The following HERC2 variants were observed in gnomAD, a reference collection of about 807,000 sequenced individuals.
HERC2 encodes the protein E3 ubiquitin-protein ligase HERC2.
HERC2 carries 102 observed loss-of-function variants against 537.7 expected under a neutral mutation model. The ratio of observed to expected loss-of-function variants is 0.19; its 90% CI spans 0.16 to 0.22. The LOEUF is 0.22. Ranked by LOEUF, HERC2 falls within the 10% of genes least tolerant of loss-of-function variation. The probability of loss-of-function intolerance (pLI) is 1.00; values close to 1 mark genes in which losing one functional copy is unlikely to be tolerated. For missense variants in HERC2, 4,236 were observed against 6,198.2 expected, an observed-to-expected ratio of 0.68 and a Z score of 10.63; for synonymous variants, 2,224 against 2,466.2, an observed-to-expected ratio of 0.90 and a Z score of 2.91.
chr15:28,140,431 A>G (rs1388155782), intron 78 of HERC2, among the ~76,000 whole-genome samples: 1 of 152,214 alleles, frequency 6.6e-6, no homozygotes, highest in African/African-American at 2.4e-5. Context: ...GATACAAGAA[A>G]TCTTCACATA....
chr15:28,314,157 A>G (rs1257135140), intron 2 of HERC2, among the ~76,000 whole-genome samples: 1 of 152,242 alleles, frequency 6.6e-6, no homozygotes, highest in Non-Finnish European at 1.5e-5. Flanking sequence ...TTGCATATAC[A>G]ATATCTGAAA....
At chr15:28,226,795 T>C (rs1489207238) in intron 35 of HERC2, among the ~76,000 whole-genome samples, 1 of 152,138 alleles carries the variant, frequency 6.6e-6, no homozygotes, top group African/African-American at 2.4e-5. Context: ...GGAAATACAA[T>C]CCAGAGAACA....
chr15:28,314,024 G>A (rs1346422191), intron 2 of HERC2, among the ~76,000 whole-genome samples: 1 of 152,184 alleles, frequency 6.6e-6, no homozygotes, highest in Non-Finnish European at 1.5e-5. Flanking sequence ...AGCCTTTACG[G>A]AAAACCAGCC....
At chr15:28,173,215 C>G (rs1235680187) in intron 65 of HERC2, among the ~76,000 whole-genome samples, 2 of 152,170 alleles carry the variant, frequency 1.3e-5, no homozygotes, top group Admixed American at 1.3e-4. Flanking sequence ...CACTCCTCTC[C>G]TAGGAGTTTA....
At position 28,177,782 on chromosome 15, in the gene HERC2, T is replaced by TA. The variant is rs1391787139; in HGVS notation, c.9164-274dup. 6.6e-6 allele frequency among the ~76,000 whole-genome samples: 1 copy of TA among 152,214 alleles called. No individual in the cohort carries two copies. Among genetic ancestry groups the TA allele is most frequent in the Non-Finnish European group, 1.5e-5 (1 of 68,042 alleles). On this transcript the variant is annotated intron_variant, in intron 59 of 92. Transcript: ENST00000261609. The surrounding 1 kb of genome is among the most constrained non-coding windows in gnomAD (Gnocchi z 5.0). Reference sequence around the variant, plus strand: ...TACTGATTATTAATGGGGTTCCTATTATGTTAAATACACGAAAAATCAAAA... The same window carrying TA: ...TACTGATTATTAATGGGGTTCCTATTAATGTTAAATACACGAAAAATCAAAA...
chr15:28,249,234 CT>C (rs1904025062), intron 20 of HERC2, among the ~76,000 whole-genome samples: 1 of 152,222 alleles, frequency 6.6e-6, no homozygotes, highest in Admixed American at 6.5e-5. Context: ...CCACATCTGC[CT>C]TGCAAGTCCA....
At chr15:28,121,322 T>G in intron 86 of HERC2, 24 bp downstream of exon 86, 1 of 1,606,442 alleles carries the variant, frequency 6.2e-7, no homozygotes, top group Non-Finnish European at 8.5e-7. Flanking sequence ...CTGTCAGACT[T>G]GGAGAGTAAT....
rs527341879 is a variant in HERC2 at position 28,173,967 on chromosome 15, A to G, written c.10057+428T>C. Among the ~76,000 whole-genome samples the G allele has an allele frequency of 6.4e-3, 972 of 151,918 alleles. 8 individuals carry two copies. The highest frequency in any genetic ancestry group is 0.02 in the African/African-American group (841 of 41,304). ...CGCTGGGGTAGTGTATGAGTTCATT[A>G]TCTTTGATTGTGCTGATGCTTTCAT... On this transcript the variant is annotated intron_variant, in intron 65 of 92. Coordinates refer to ENST00000261609, the MANE Select transcript of HERC2 (RefSeq NM_004667.6).
chr15:28,224,248 C>CGCCCAGGCTGGA (rs925792117), intron 35 of HERC2, among the ~76,000 whole-genome samples: 2 of 151,572 alleles, frequency 1.3e-5, no homozygotes, highest in African/African-American at 2.4e-5. Context: ...TTCACTTTGT[C>CGCCCAGGCTGGA]GCCCAGGCTG....
At position 28,293,164 on chromosome 15, in the gene HERC2, A is replaced by T. The variant is rs376434068; in HGVS notation, c.188-142T>A. 15 of 716,048 alleles carry T rather than the reference A, an allele frequency of 2.1e-5. No individual in the cohort carries two copies. The Admixed American group carries it at 3.6e-4, about 17-fold the overall frequency. 44.4% of individuals were successfully genotyped at this position (716,048 alleles called of 1,614,324 possible). On this transcript the variant is annotated intron_variant, in intron 3 of 92. Transcript: ENST00000261609. ...AACGTAAAAATAAAATACATCAATC[A>T]TACCTGTAACAGACCCAGTATAATT...
intron 20 of HERC2, 50 bp downstream of exon 20, chr15:28,254,288 CAA>C: frequency 7.5e-7 from 1 of 1,333,558 alleles, no homozygotes. Context: ...GTCACACACA[CAA>C]AAAAAAGTAA....
intron 55 of HERC2, among the ~76,000 whole-genome samples, chr15:28,188,814 C>G (rs778652158): frequency 6.6e-6 from 1 of 152,066 alleles, no homozygotes; most frequent in Non-Finnish European, 1.5e-5. Context: ...CGGCTGGGTG[C>G]GGTGCCTCAT....
intron 35 of HERC2, among the ~76,000 whole-genome samples, chr15:28,227,456 C>CA (rs1233124884): frequency 9.3e-4 from 91 of 97,518 alleles, no homozygotes; most frequent in South Asian, 1.4e-3. Context: ...GGCCTTCATC[C>CA]AAAAAAAAAA....
chr15:28,225,490 G>A (rs1361048061), intron 35 of HERC2, among the ~76,000 whole-genome samples: 1 of 152,002 alleles, frequency 6.6e-6, no homozygotes, highest in Non-Finnish European at 1.5e-5. Flanking sequence ...GAGGTCAAGA[G>A]ATCGAGACCA....
intron 35 of HERC2, among the ~76,000 whole-genome samples, chr15:28,224,683 A>AC (rs1453784751): frequency 6.6e-6 from 1 of 152,192 alleles, no homozygotes; most frequent in African/African-American, 2.4e-5. Context: ...AGAACATCTC[A>AC]CCAAAAAGAG....
At chr15:28,210,625 C>A (rs548818499) in intron 44 of HERC2, among the ~76,000 whole-genome samples, 1 of 151,796 alleles carries the variant, frequency 6.6e-6, no homozygotes, top group Non-Finnish European at 1.5e-5. Flanking sequence ...TGCGGCTTTA[C>A]GCGCATTTGA....
At position 28,125,274 on chromosome 15, in the gene HERC2, C is replaced by T. The variant is rs560618229; in HGVS notation, c.12803-81G>A. ...GCTGCCAGTGTCTTCCCACCACACA[C>T]AGCACCAACGCTCCCTGCCCTTCAG... On this transcript the variant is annotated intron_variant, in intron 83 of 92. Coordinates refer to ENST00000261609, the MANE Select transcript of HERC2 (RefSeq NM_004667.6). 5 of 1,137,454 alleles carry T rather than the reference C, an allele frequency of 4.4e-6. No individual in the cohort carries two copies. In the East Asian group the frequency reaches 7.1e-5, roughly 16 times the overall value. The allele number at this position is 1,137,454 out of a possible 1,614,324, so 70.5% of individuals were successfully genotyped here.
At chr15:28,242,308 C>G (rs1903209665) in intron 23 of HERC2, among the ~76,000 whole-genome samples, 1 of 152,178 alleles carries the variant, frequency 6.6e-6, no homozygotes, top group Non-Finnish European at 1.5e-5. Context: ...CAATCTTATA[C>G]ACACCCTTCC....
rs755418556 is a variant in HERC2 at position 28,202,229 on chromosome 15, A to G, written c.7501T>C (p.Trp2501Arg). 1.4e-5 allele frequency: 23 copies of G among 1,610,264 alleles called. No homozygotes were observed. The highest frequency in any genetic ancestry group is 2.0e-5 in the Non-Finnish European group (23 of 1,177,240). The change falls in exon 47 of 93, where the codon TGG (tryptophan) becomes CGG (arginine). Residue 2501 changes from tryptophan (W) to arginine (R), a missense_variant. Trp to Arg is a moderately radical substitution (Grantham distance 101, BLOSUM62 -3). Coordinates refer to ENST00000261609, the MANE Select transcript of HERC2 (RefSeq NM_004667.6). ...TGTATGTCGGAGTGGTCCAGCAGCC[A>G]CCCGACCAAGGCTTCCACACCTAAG... Reference protein sequence around the residue: ...SLPGVEALVGWLLDHSDIQVT... With the variant: ...SLPGVEALVGRLLDHSDIQVT...
Sources: allele counts gnomAD v4.1 joint callset (sites outside exome capture counted in the v4.1 genomes callset), GRCh38; gene constraint gnomAD v4.1.1; non-coding constraint Gnocchi (gnomAD v3.1); transcripts MANE v1.5; gene names NCBI Gene and HGNC (gene_info 2026-07-23, HGNC 2026-07-21).